The following UBR4 variants were observed in gnomAD, a reference collection of about 807,000 sequenced individuals.
UBR4 encodes the protein E3 ubiquitin-protein ligase UBR4.
Under a neutral mutation model 575.6 loss-of-function variants are expected in UBR4, and 124 were observed. That is an observed-to-expected ratio of 0.22 (90% CI 0.19 to 0.25). UBR4 has a LOEUF of 0.25. UBR4 is among the 10% of genes least tolerant of loss of function. UBR4 has a pLI of 1.00. For synonymous variants in UBR4, 2,455 were observed against 2,473.7 expected (o/e 0.99, Z 0.22); for missense variants, 4,818 against 6,478.8 (o/e 0.74, Z 8.80).
At chr1:19,148,178 A>C (rs752510461) in intron 50 of UBR4, 51 bp from the exon 51 acceptor site, 2 of 1,566,108 alleles carry the variant, frequency 1.3e-6, no homozygotes, top group Admixed American at 3.5e-5. Context: ...CTCAAGGCAG[A>C]ATGAACTATC....
chr1:19,195,890 C>T (rs2092417485), intron 8 of UBR4, among the ~76,000 whole-genome samples: 1 of 151,726 alleles, frequency 6.6e-6, no homozygotes, highest in Admixed American at 6.6e-5. Context: ...ATGACTTAGT[C>T]TGCATTTCTA....
chr1:19,084,195 G>C (rs1241378933), intron 102 of UBR4, among the ~76,000 whole-genome samples: 2 of 152,228 alleles, frequency 1.3e-5, no homozygotes, highest in African/African-American at 4.8e-5. Flanking sequence ...TCGAAGTAGA[G>C]GCTTCAGTGG....
At chr1:19,193,678 C>A in intron 8 of UBR4, 121 bp from the exon 9 acceptor site, 1 of 1,290,944 alleles carries the variant, frequency 7.7e-7, no homozygotes, top group Non-Finnish European at 1.0e-6. Context: ...AAAATAAATG[C>A]CATTAAGAGC....
At chr1:19,130,653 A>AG (rs2082318080) in intron 60 of UBR4, among the ~76,000 whole-genome samples, 1 of 152,256 alleles carries the variant, frequency 6.6e-6, no homozygotes, top group East Asian at 1.9e-4. Flanking sequence ...TAGCCAAGCT[A>AG]GGTGGGGACT....
intron 66 of UBR4, 105 bp downstream of exon 66, chr1:19,122,728 C>T (rs2081310528): frequency 7.8e-7 from 1 of 1,281,018 alleles, no homozygotes; most frequent in African/African-American, 1.5e-5. Context: ...ATGCCATTGT[C>T]AACACAGTTA....
At chr1:19,120,945 CT>C (rs1409459330) in intron 68 of UBR4, among the ~76,000 whole-genome samples, 1 of 152,216 alleles carries the variant, frequency 6.6e-6, no homozygotes, top group Non-Finnish European at 1.5e-5. Context: ...ATTTGGTCTA[CT>C]AAAAATGTTC....
At chr1:19,179,818 A>G (rs2090689088) in intron 17 of UBR4, among the ~76,000 whole-genome samples, 1 of 152,156 alleles carries the variant, frequency 6.6e-6, no homozygotes. Flanking sequence ...ACACACACAC[A>G]CTGAGCAGGA....
intron 21 of UBR4, 98 bp from the exon 22 acceptor site, chr1:19,174,545 C>T: frequency 6.9e-7 from 1 of 1,452,840 alleles, no homozygotes; most frequent in Admixed American, 2.4e-5. Context: ...GACAAAATAT[C>T]CCATCAAATC....
At position 19,185,102 on chromosome 1, in the gene UBR4, C is replaced by T; in HGVS notation, c.1935G>A (p.Glu645=). ...GNILASRKDP[E]LFLGLASNIL... ...AACCTTAGAAACCTACTCTTACCAACTCAGGATCTTTGCGACTCGCCAGAA... is the reference window on the plus strand; with the variant it reads ...AACCTTAGAAACCTACTCTTACCAATTCAGGATCTTTGCGACTCGCCAGAA... The change falls in exon 15 of 106, where the codon GAG becomes GAA. Residue 645 remains glutamate, a synonymous_variant. Transcript: ENST00000375254. 1 of 1,614,190 alleles carries T rather than the reference C, an allele frequency of 6.2e-7. No homozygotes were observed. Among genetic ancestry groups the T allele is most frequent in the Non-Finnish European group, 8.5e-7 (1 of 1,180,024 alleles).
chr1:19,167,000 G>A, intron 29 of UBR4, 22 bp downstream of exon 29: 1 of 1,613,740 alleles, frequency 6.2e-7, no homozygotes, highest in Non-Finnish European at 8.5e-7. Context: ...TAGGAAACCT[G>A]ACTGTTCTCC....
At chr1:19,133,716 G>A (rs1230381072) in intron 60 of UBR4, among the ~76,000 whole-genome samples, 3 of 152,068 alleles carry the variant, frequency 2.0e-5, no homozygotes, top group Non-Finnish European at 4.4e-5. Flanking sequence ...GGGAGGCTGA[G>A]GCAGGAGGAT....
At chr1:19,112,950 G>C (rs1288373511) in intron 77 of UBR4, 83 bp from the exon 78 acceptor site, 1 of 1,435,326 alleles carries the variant, frequency 7.0e-7, no homozygotes, top group Admixed American at 2.3e-5. Context: ...TTTTGCTTTA[G>C]AAAAAACTTT....
chr1:19,155,560 T>C lies in UBR4; in HGVS notation c.6181A>G (p.Ile2061Val), dbSNP rs771349304. Reference sequence around the variant, plus strand: ...TACCCAGCCGAAGACATTATAACAATGATGTTCTTTCCCTCCTCATTGAAA... The same window carrying C: ...TACCCAGCCGAAGACATTATAACAACGATGTTCTTTCCCTCCTCATTGAAA... ...FLFNEEGKNI[I>V]VIMSSAGYIY... The change falls in exon 43 of 106, where the codon ATT becomes GTT. Residue 2061 changes from isoleucine (I) to valine (V), a missense_variant. Ile to Val is a conservative substitution (Grantham distance 29). Coordinates refer to ENST00000375254, the MANE Select transcript of UBR4 (RefSeq NM_020765.3). 5 of 1,614,188 alleles carry C rather than the reference T, an allele frequency of 3.1e-6. No individual in the cohort carries two copies. The South Asian group carries it at 5.5e-5, about 18-fold the overall frequency.
chr1:19,171,233 A>G (rs1415719418), intron 25 of UBR4, among the ~76,000 whole-genome samples: 1 of 152,194 alleles, frequency 6.6e-6, no homozygotes, highest in Non-Finnish European at 1.5e-5. Flanking sequence ...AAAACTGTTT[A>G]TCCAACATTT....
At position 19,186,537 on chromosome 1, in the gene UBR4, T is replaced by C; in HGVS notation, c.1750+3A>G. 2 of 1,613,488 alleles carry C rather than the reference T, an allele frequency of 1.2e-6. No homozygotes were observed. The highest frequency in any genetic ancestry group is 1.7e-6 in the Non-Finnish European group (2 of 1,179,536). On this transcript the variant is annotated splice_donor_region_variant and intron_variant, in intron 14 of 105. Transcript: ENST00000375254. ...CTGGGAGAGAGAAAAGAGCGGCCTC[T>C]ACCTTGGCTGCTGTCCTCCTCCGTG...
At chr1:19,147,565 C>A (rs1026202840) in intron 51 of UBR4, among the ~76,000 whole-genome samples, 51 of 152,278 alleles carry the variant, frequency 3.3e-4, no homozygotes, top group Middle Eastern at 6.8e-3. Context: ...CCAGATGTTC[C>A]CATCAGAGGC....
Position 19,093,210 on chromosome 1 carries a change from G to T in UBR4, c.14111+103C>A. On this transcript the variant is annotated intron_variant, in intron 96 of 105. Coordinates refer to ENST00000375254, the MANE Select transcript of UBR4 (RefSeq NM_020765.3). The surrounding 1 kb of genome is among the most constrained non-coding windows in gnomAD (Gnocchi z 4.8). ...GAAGCGGTTGGGAGGCCCCAAGGAG[G>T]GCAAGGGGCACACGTGAAGCTTTAT... 3 of 1,430,138 alleles carry T rather than the reference G, an allele frequency of 2.1e-6. No individual in the cohort carries two copies. Among genetic ancestry groups the T allele is most frequent in the Non-Finnish European group, 2.9e-6 (3 of 1,046,334 alleles). The allele number at this position is 1,430,138 out of a possible 1,614,324, so 88.6% of individuals were successfully genotyped here.
chr1:19,117,850 C>T lies in UBR4; in HGVS notation c.10602G>A (p.Val3534=). ...AGAACGGTACTTCCGGGTTATTACA[C>T]ACCAGGCAGGGATCGCTCTCCAGGT... ...GYYLESDPCL[V]CNNPEVPFCY... is the part of the protein sequence containing the mutation. Residue 3534 remains valine (V), a synonymous_variant, in exon 72 of 106, where the codon GTG becomes GTA. Transcript: ENST00000375254. The surrounding 1 kb of genome is among the most constrained non-coding windows in gnomAD (Gnocchi z 4.0). 1 of 1,614,232 alleles carries T rather than the reference C, an allele frequency of 6.2e-7. No individual in the cohort carries two copies. The highest frequency in any genetic ancestry group is 8.5e-7 in the Non-Finnish European group (1 of 1,180,030).
At chr1:19,188,634 T>A (rs1347682900) in intron 11 of UBR4, among the ~76,000 whole-genome samples, 1 of 152,178 alleles carries the variant, frequency 6.6e-6, no homozygotes, top group Middle Eastern at 3.2e-3. Flanking sequence ...AAAAGGTTAA[T>A]ATATATGATT....
Sources: gnomAD v4.1 joint callset for allele counts (sites outside exome capture counted in the v4.1 genomes callset) on GRCh38, gnomAD v4.1.1 for gene constraint, Gnocchi (gnomAD v3.1) non-coding constraint, MANE v1.5 for transcripts, NCBI Gene and HGNC (gene_info 2026-07-23, HGNC 2026-07-21) for gene names.